Variants in C1orf50 observed in about 807,000 individuals in gnomAD.
C1orf50 encodes uncharacterized protein C1orf50.
In C1orf50, 22 loss-of-function variants were observed where a neutral mutation model predicts 23.3. That is an observed-to-expected ratio of 0.94 (90% CI 0.67 to 1.35). The LOEUF (loss-of-function observed/expected upper bound fraction) is 1.35, where lower values mean the gene tolerates loss of function less well. C1orf50 is among the 40% of genes most tolerant of loss of function. C1orf50 has a pLI of 0.00. For missense variants in C1orf50, 271 were observed against 249.4 expected (o/e 1.09, Z -0.58); for synonymous variants, 96 against 102.4 (o/e 0.94, Z 0.38).
intron 2 of C1orf50, among the ~76,000 whole-genome samples, chr1:42,768,112 G>C (rs1411448311): frequency 3.3e-5 from 5 of 152,158 alleles, no homozygotes; most frequent in African/African-American, 1.2e-4. Flanking sequence ...TTTATATATG[G>C]ATGGCCAAAA....
Position 42,772,555 on chromosome 1 carries a change from C to A in C1orf50, c.196-1008C>A, listed in dbSNP as rs184441657. On this transcript the variant is annotated intron_variant, in intron 2 of 4. Coordinates refer to ENST00000372525, the MANE Select transcript of C1orf50 (RefSeq NM_024097.4). ...TAGACCTTTGGGAGGCCGAGGTGGG[C>A]GGATCACCTGAGGTCAGAAGTTCGA... 2.4e-3 allele frequency among the ~76,000 whole-genome samples: 370 copies of A among 152,164 alleles called. 1 individual carries two copies. The highest frequency in any genetic ancestry group is 8.6e-3 in the African/African-American group (356 of 41,492).
chr1:42,772,660 A>T (rs1653247576), intron 2 of C1orf50, among the ~76,000 whole-genome samples: 1 of 152,118 alleles, frequency 6.6e-6, no homozygotes, highest in Non-Finnish European at 1.5e-5. Flanking sequence ...GGGCACCTGT[A>T]ATCCCAGCTA....
At position 42,775,475 on chromosome 1, in the gene C1orf50, G is replaced by A; in HGVS notation, c.*81G>A. 2.3e-6 allele frequency: 3 copies of A among 1,313,362 alleles called. No individual in the cohort carries two copies. Among genetic ancestry groups the A allele is most frequent in the South Asian group, 3.1e-5 (2 of 65,358 alleles). 81.4% of individuals were successfully genotyped at this position (1,313,362 alleles called of 1,614,324 possible). ...CCCCACTGTTGCCTTGAGAATTGAA[G>A]ACATGTAGGTGACTCACAAACTTCT... On this transcript the variant is annotated 3_prime_UTR_variant, in exon 5 of 5. Coordinates refer to ENST00000372525, the MANE Select transcript of C1orf50 (RefSeq NM_024097.4).
chr1:42,773,343 C>T (rs1019640752), intron 2 of C1orf50: 2 of 409,104 alleles, frequency 4.9e-6, no homozygotes, highest in African/African-American at 2.1e-5. Context: ...TAGAAGAGAG[C>T]ACTTAACTCT....
rs35859868 is a variant in C1orf50, at chr1:42,775,762, T to TTATATATATATATATATATATATATATA, written c.*392_*393insTATATATATATATATATATATATATATA. 79 of 135,946 alleles carry TTATATATATATATATATATATATATATA rather than the reference T, an allele frequency of 5.8e-4. 1 individual carries two copies. Among genetic ancestry groups the TTATATATATATATATATATATATATATA allele is most frequent in the South Asian group, 4.4e-3 (16 of 3,642 alleles). 8.4% of individuals were successfully genotyped at this position (135,946 alleles called of 1,614,324 possible). A position where few individuals can be genotyped will look rare whatever the true frequency, so the allele number is the denominator to read the frequency against. ...TCCAGAGAGAACTGTTTTCAGTCTT[T>TTATATATATATATATATATATATATATA]TATATATATATATATATATATATAA... is the stretch of plus-strand genomic sequence containing the variant. On this transcript the variant is annotated 3_prime_UTR_variant, in exon 5 of 5. Transcript: ENST00000372525.
intron 2 of C1orf50, among the ~76,000 whole-genome samples, chr1:42,768,433 C>G (rs1029562187): frequency 6.6e-6 from 1 of 152,216 alleles, no homozygotes; most frequent in Non-Finnish European, 1.5e-5. Flanking sequence ...GGCCCCTTAT[C>G]CCTGTATACA....
chr1:42,775,231 A>C lies in C1orf50; in HGVS notation c.437A>C (p.His146Pro), dbSNP rs1425949800. ...SPKEWGTSCP[H>P]DFLGAYKLQH... ...TAGGAATGGGGGACAAGTTGTCCAC[A>C]TGACTTCCTTGGTGCCTACAAACTA... The change falls in exon 5 of 5, where the codon CAT (histidine) becomes CCT (proline). Residue 146 changes from histidine (H) to proline (P), a missense_variant. Transcript: ENST00000372525. 1.9e-6 allele frequency: 3 copies of C among 1,596,344 alleles called. No homozygotes were observed. Among genetic ancestry groups the C allele is most frequent in the African/African-American group, 1.3e-5 (1 of 74,668 alleles).
rs1475254086 is a variant in C1orf50 at position 42,776,316 on chromosome 1, T to TA, written c.*922_*923insA. Reference sequence around the variant, plus strand: ...ATTTTGACCAGAATTATTCAAGAACTTAACAGGGTTTTGGCAAAATTACTG... The same window carrying TA: ...ATTTTGACCAGAATTATTCAAGAACTATAACAGGGTTTTGGCAAAATTACTG... On this transcript the variant is annotated 3_prime_UTR_variant, in exon 5 of 5. Transcript: ENST00000372525. 4.6e-5 allele frequency: 7 copies of TA among 152,222 alleles called. No homozygotes were observed. Among genetic ancestry groups the TA allele is most frequent in the African/African-American group, 1.4e-4 (6 of 41,466 alleles). The allele number at this position is 152,222 out of a possible 1,614,324, so 9.4% of individuals were successfully genotyped here.
Position 42,767,602 on chromosome 1 carries a change from C to A in C1orf50, c.173C>A (p.Ala58Glu). 6.2e-7 allele frequency: 1 copy of A among 1,611,818 alleles called. No individual in the cohort carries two copies. Among genetic ancestry groups the A allele is most frequent in the Non-Finnish European group, 8.5e-7 (1 of 1,179,496 alleles). Residue 58 changes from alanine (A) to glutamate (E), a missense_variant, in exon 2 of 5, where the codon GCG becomes GAG. Transcript: ENST00000372525. ...HRAGDPLDLV[A>E]LAEQVQKADE... ...GCCGGGGACCCCTTAGACCTCGTGGCGCTCGCAGAGCAGGTGCAGAAGGTG... is the reference window on the plus strand; with the variant it reads ...GCCGGGGACCCCTTAGACCTCGTGGAGCTCGCAGAGCAGGTGCAGAAGGTG...
chr1:42,767,308 T>A lies in C1orf50; in HGVS notation c.-4T>A, dbSNP rs1570488905. On this transcript the variant is annotated 5_prime_UTR_variant, in exon 1 of 5. Transcript: ENST00000372525. ...CCAGGGAGTGGGGAGGATAAGGCGC[T>A]GTCATGGAGGACGCCGCCGCGCCGG... is the stretch of plus-strand genomic sequence containing the variant. 6.6e-7 allele frequency: 1 copy of A among 1,505,412 alleles called. No homozygotes were observed. 93.3% of individuals were successfully genotyped at this position (1,505,412 alleles called of 1,614,324 possible). A position where few individuals can be genotyped will look rare whatever the true frequency, so the allele number is the denominator to read the frequency against.
chr1:42,770,435 CTTTT>C (rs751331051), intron 2 of C1orf50, among the ~76,000 whole-genome samples: 1 of 142,234 alleles, frequency 7.0e-6, no homozygotes. Flanking sequence ...TTCTTTCTTT[CTTTT>C]TTTTTTTTTT....
In C1orf50 at chr1:42,778,594, T is replaced by C. The variant is rs1653383969; in HGVS notation, c.*3200T>C. On this transcript the variant is annotated 3_prime_UTR_variant, in exon 5 of 5. Coordinates refer to ENST00000372525, the MANE Select transcript of C1orf50 (RefSeq NM_024097.4). Reference sequence around the variant, plus strand: ...GAAAGTGACAACCATTTAAGCCATATCAACCAAAGCAGTCCTGGCAATGAG... The same window carrying C: ...GAAAGTGACAACCATTTAAGCCATACCAACCAAAGCAGTCCTGGCAATGAG... 1.3e-5 allele frequency: 2 copies of C among 152,156 alleles called. No individual in the cohort carries two copies. Among genetic ancestry groups the C allele is most frequent in the Admixed American group, 1.3e-4 (2 of 15,270 alleles). 9.4% of individuals were successfully genotyped at this position (152,156 alleles called of 1,614,324 possible). A position where few individuals can be genotyped will look rare whatever the true frequency, so the allele number is the denominator to read the frequency against.
rs766317105 is a variant in C1orf50 at position 42,767,282 on chromosome 1, C to G, written c.-30C>G. On this transcript the variant is annotated 5_prime_UTR_variant, in exon 1 of 5. Transcript: ENST00000372525. The stretch of plus-strand genomic sequence containing the variant: ...GCGCAGGCTCTTCCTACTCGCACAG[C>G]CCAGGGAGTGGGGAGGATAAGGCGC... The G allele has an allele frequency of 1.0e-5, 15 of 1,481,774 alleles. No homozygotes were observed. The Middle Eastern group carries it at 7.4e-4, about 73-fold the overall frequency. 91.8% of individuals were successfully genotyped at this position (1,481,774 alleles called of 1,614,324 possible).
Position 42,775,529 on chromosome 1 carries a change from G to A in C1orf50, c.*135G>A. ...AAAGAGACCCTGTGTGAATGTAAAT[G>A]CTGTCATTATGACTTTTAATTGGGA... On this transcript the variant is annotated 3_prime_UTR_variant, in exon 5 of 5. Coordinates refer to ENST00000372525, the MANE Select transcript of C1orf50 (RefSeq NM_024097.4). The A allele has an allele frequency of 1.4e-6, 1 of 701,992 alleles. No homozygotes were observed. Among genetic ancestry groups the A allele is most frequent in the South Asian group, 2.4e-5 (1 of 40,912 alleles). The allele number at this position is 701,992 out of a possible 1,614,324, so 43.5% of individuals were successfully genotyped here.
At position 42,775,217 on chromosome 1, in the gene C1orf50, G is replaced by T; in HGVS notation, c.423G>T (p.Gly141=). The change falls in exon 5 of 5, where the codon GGG becomes GGT. Residue 141 remains glycine (G), a synonymous_variant. Coordinates refer to ENST00000372525, the MANE Select transcript of C1orf50 (RefSeq NM_024097.4). ...YFSIISPKEW[G]TSCPHDFLGA... ...TCCTTTGCCTTCTCTAGGAATGGGG[G>T]ACAAGTTGTCCACATGACTTCCTTG... 6.3e-7 allele frequency: 1 copy of T among 1,589,944 alleles called. No homozygotes were observed. The highest frequency in any genetic ancestry group is 8.6e-7 in the Non-Finnish European group (1 of 1,159,742).
At chr1:42,770,592 C>T (rs1653195411) in intron 2 of C1orf50, among the ~76,000 whole-genome samples, 1 of 152,166 alleles carries the variant, frequency 6.6e-6, no homozygotes, top group Non-Finnish European at 1.5e-5. Context: ...GCCGCCATGC[C>T]TGGCTAATTT....
rs1299975101 is a variant in C1orf50 at position 42,777,484 on chromosome 1, C to T, written c.*2090C>T. The T allele has an allele frequency of 1.3e-5, 2 of 152,222 alleles. No homozygotes were observed. Among genetic ancestry groups the T allele is most frequent in the African/African-American group, 2.4e-5 (1 of 41,444 alleles). The allele number at this position is 152,222 out of a possible 1,614,324, so 9.4% of individuals were successfully genotyped here. A position where few individuals can be genotyped will look rare whatever the true frequency, so the allele number is the denominator to read the frequency against. On this transcript the variant is annotated 3_prime_UTR_variant, in exon 5 of 5. Coordinates refer to ENST00000372525, the MANE Select transcript of C1orf50 (RefSeq NM_024097.4). ...TGCCCTCACTTCCTTGCCACACGAG[C>T]CTCTATAACATGGCAGCTTTCTTAA...
chr1:42,767,607 G>T lies in C1orf50; in HGVS notation c.178G>T (p.Ala60Ser). The change falls in exon 2 of 5, where the codon GCA becomes TCA. Residue 60 changes from alanine (A) to serine (S), a missense_variant. Physicochemically the swap from Ala to Ser is moderately conservative, Grantham distance 99. Coordinates refer to ENST00000372525, the MANE Select transcript of C1orf50 (RefSeq NM_024097.4). The part of the protein sequence containing the change: ...AGDPLDLVAL[A>S]EQVQKADEFI... The stretch of plus-strand genomic sequence containing the variant: ...GGACCCCTTAGACCTCGTGGCGCTC[G>T]CAGAGCAGGTGCAGAAGGTGAGGAG... 1 of 1,611,718 alleles carries T rather than the reference G, an allele frequency of 6.2e-7. No individual in the cohort carries two copies. The highest frequency in any genetic ancestry group is 8.5e-7 in the Non-Finnish European group (1 of 1,179,492).
At chr1:42,767,706 A>G (rs1653108398) in intron 2 of C1orf50, 82 bp downstream of exon 2, 1 of 1,242,346 alleles carries the variant, frequency 8.0e-7, no homozygotes, top group Non-Finnish European at 1.1e-6. Flanking sequence ...CCTCACTACC[A>G]CCTATGGTGG....
Sources: gnomAD v4.1 joint callset for allele counts (sites outside exome capture counted in the v4.1 genomes callset) on GRCh38, gnomAD v4.1.1 for gene constraint, MANE v1.5 for transcripts, NCBI Gene and HGNC (gene_info 2026-07-23, HGNC 2026-07-21) for gene names.